DGKB: variants seen among roughly 807,000 people sequenced by gnomAD.
DGKB encodes diacylglycerol kinase beta, also known as 90 kDa diacylglycerol kinase.
In DGKB, 67 loss-of-function variants were observed where a neutral mutation model predicts 114.3. That is an observed-to-expected ratio of 0.59 (90% CI 0.48 to 0.72). The LOEUF (loss-of-function observed/expected upper bound fraction) is 0.72. Among genes scored for constraint, DGKB ranks in the 30% least tolerant of loss-of-function variants. DGKB has a pLI of 0.00. For synonymous variants in DGKB, 398 were observed against 323.1 expected, an observed-to-expected ratio of 1.23 and a Z score of -2.49; for missense variants, 907 against 975.2, an observed-to-expected ratio of 0.93 and a Z score of 0.93.
chr7:14,475,243 T>C (rs114702547), intron 21 of DGKB, among the ~76,000 whole-genome samples: 8,064 of 152,148 alleles, frequency 0.053, 698 homozygotes, highest in African/African-American at 0.18. Context: ...AAAAAATCCA[T>C]TTGCAAATTC....
At chr7:14,668,710 T>A (rs1398531027) in intron 13 of DGKB, among the ~76,000 whole-genome samples, 2 of 152,172 alleles carry the variant, frequency 1.3e-5, no homozygotes, top group African/African-American at 2.4e-5. Flanking sequence ...TAATTTACAA[T>A]GTACTATTTC....
At chr7:14,544,671 G>C (rs911212864) in intron 20 of DGKB, among the ~76,000 whole-genome samples, 1 of 152,076 alleles carries the variant, frequency 6.6e-6, no homozygotes, top group South Asian at 2.1e-4. Context: ...AATTATATTA[G>C]TCACATTTAT....
chr7:14,826,630 T>C (rs893187729), intron 2 of DGKB, among the ~76,000 whole-genome samples: 3 of 152,140 alleles, frequency 2.0e-5, no homozygotes, highest in Non-Finnish European at 2.9e-5. Context: ...TCCATCTGAT[T>C]TGAACCATGA....
At chr7:14,917,139 G>T (rs987643608) in intron 1 of DGKB, among the ~76,000 whole-genome samples, 4 of 152,072 alleles carry the variant, frequency 2.6e-5, no homozygotes, top group Admixed American at 6.5e-5. Flanking sequence ...AAAGCAGGCT[G>T]AGAGGGGAAG....
chr7:14,260,508 G>A (rs1796614339), intron 23 of DGKB, among the ~76,000 whole-genome samples: 2 of 152,100 alleles, frequency 1.3e-5, no homozygotes, highest in South Asian at 4.1e-4. Flanking sequence ...TTGTTCTCAT[G>A]ATGATCATCA....
At chr7:14,322,500 T>C (rs1808012576) in intron 23 of DGKB, among the ~76,000 whole-genome samples, 1 of 152,148 alleles carries the variant, frequency 6.6e-6, no homozygotes, top group Non-Finnish European at 1.5e-5. Flanking sequence ...TCCATCTTAA[T>C]GTTAAAGTTA....
chr7:14,787,531 A>G (rs557288508), intron 2 of DGKB, among the ~76,000 whole-genome samples: 15 of 152,326 alleles, frequency 9.8e-5, no homozygotes, highest in Admixed American at 3.3e-4. Flanking sequence ...CCACTGACAG[A>G]GGCCAAGAAG....
At chr7:14,416,019 C>T (rs1364048355) in intron 21 of DGKB, among the ~76,000 whole-genome samples, 1 of 152,050 alleles carries the variant, frequency 6.6e-6, no homozygotes, top group Middle Eastern at 3.2e-3. Context: ...CTCTGATGGC[C>T]AGTGATGATG....
chr7:14,546,706 G>A (rs959488074), intron 20 of DGKB, among the ~76,000 whole-genome samples: 1 of 152,108 alleles, frequency 6.6e-6, no homozygotes, highest in Non-Finnish European at 1.5e-5. Flanking sequence ...ATACTGTTGG[G>A]ACCCAGCTAG....
At chr7:14,938,664 G>T (rs1483335672) in intron 1 of DGKB, among the ~76,000 whole-genome samples, 1 of 151,198 alleles carries the variant, frequency 6.6e-6, no homozygotes, top group Non-Finnish European at 1.5e-5. Context: ...AAGTAAAGGT[G>T]TATTCCAAAG....
At chr7:14,368,831 C>T (rs1170676940) in intron 21 of DGKB, among the ~76,000 whole-genome samples, 1 of 152,086 alleles carries the variant, frequency 6.6e-6, no homozygotes, top group Admixed American at 6.6e-5. Context: ...TAGGTAGGCA[C>T]AGGAAGAGCC....
chr7:14,156,580 AAACTCTTCTT>A (rs766788218), intron 25 of DGKB, among the ~76,000 whole-genome samples: 9 of 152,164 alleles, frequency 5.9e-5, no homozygotes, highest in Non-Finnish European at 1.2e-4. Flanking sequence ...AAAAATATGA[AAACTCTTCTT>A]AACTCTTTGG....
At chr7:14,261,765 A>C (rs904434030) in intron 23 of DGKB, among the ~76,000 whole-genome samples, 2 of 152,160 alleles carry the variant, frequency 1.3e-5, no homozygotes, top group Non-Finnish European at 2.9e-5. Context: ...GATATTTTTG[A>C]ATTTTATATG....
intron 2 of DGKB, among the ~76,000 whole-genome samples, chr7:14,773,323 C>G (rs2128475148): frequency 6.6e-6 from 1 of 152,032 alleles, no homozygotes. Flanking sequence ...AGAATGCATT[C>G]TTATTTTCCC....
At chr7:14,880,235 C>T (rs989672585) in intron 1 of DGKB, among the ~76,000 whole-genome samples, 5 of 846 alleles carry the variant, frequency 5.9e-3, no homozygotes, top group African/African-American at 0.014. Context: ...CCAAGGCAGG[C>T]GGATCACAAG....
chr7:14,551,490 G>C (rs753396702), intron 20 of DGKB, among the ~76,000 whole-genome samples: 11 of 152,156 alleles, frequency 7.2e-5, no homozygotes, highest in South Asian at 2.1e-4. Context: ...CTGTGTTGAA[G>C]AGTGTCCAAA....
At chr7:14,877,645 C>T (rs1186950168) in intron 1 of DGKB, among the ~76,000 whole-genome samples, 1 of 152,096 alleles carries the variant, frequency 6.6e-6, no homozygotes, top group Non-Finnish European at 1.5e-5. Flanking sequence ...GTGAGGTTTG[C>T]GTAAATAAAT....
At chr7:14,883,550 A>T (rs1047877344) in intron 1 of DGKB, among the ~76,000 whole-genome samples, 4 of 151,988 alleles carry the variant, frequency 2.6e-5, no homozygotes, top group African/African-American at 9.7e-5. Flanking sequence ...AGATATAGAG[A>T]TGATAGAGTT....
At position 14,201,545 on chromosome 7, in the gene DGKB, C is replaced by T. The variant is rs570572899; in HGVS notation, c.2123-23394G>A. 2.0e-5 allele frequency among the ~76,000 whole-genome samples: 3 copies of T among 151,930 alleles called. No individual in the cohort carries two copies. The East Asian group carries it at 5.9e-4, about 30-fold the overall frequency. ...TTATGAATAGCCACCTGGGGAGTGT[C>T]GGAAGGCATTGCAGTGGCCACCGGG... is the stretch of plus-strand genomic sequence containing the variant. On this transcript the variant is annotated intron_variant, in intron 23 of 25. Coordinates refer to ENST00000402815, the MANE Select transcript of DGKB (RefSeq NM_001350709.2).
Sources: allele counts gnomAD v4.1 joint callset (sites outside exome capture counted in the v4.1 genomes callset), GRCh38; gene constraint gnomAD v4.1.1; transcripts MANE v1.5; gene names NCBI Gene and HGNC (gene_info 2026-07-23, HGNC 2026-07-21).